CDK5RAP1: variants seen among roughly 807,000 people sequenced by gnomAD.
The protein encoded by CDK5RAP1 is CDK5RAP1 mitochondrial tRNA methylthiotransferase, also known as mitochondrial tRNA methylthiotransferase CDK5RAP1.
Under a neutral mutation model 64.5 loss-of-function variants are expected in CDK5RAP1, and 62 were observed. That is an observed-to-expected ratio of 0.96 (90% CI 0.78 to 1.19). The LOEUF (loss-of-function observed/expected upper bound fraction) is 1.19. Among genes scored for constraint, CDK5RAP1 ranks in the 50% most tolerant of loss-of-function variants. The probability of loss-of-function intolerance (pLI) is 0.00; values close to 1 mark genes in which losing one functional copy is unlikely to be tolerated. For synonymous variants in CDK5RAP1, 250 were observed against 261.9 expected (o/e 0.95, Z 0.44); for missense variants, 657 against 735.0 (o/e 0.89, Z 1.23).
chr20:33,390,583 C>T (rs1224210957), intron 5 of CDK5RAP1, among the ~76,000 whole-genome samples: 1 of 152,036 alleles, frequency 6.6e-6, no homozygotes, highest in African/African-American at 2.4e-5. Context: ...CTTAGTGCCA[C>T]AGAAATATAC....
In CDK5RAP1 at chr20:33,379,460, C is replaced by T. The variant is rs765486461; in HGVS notation, c.1107+1G>A. The T allele has an allele frequency of 6.3e-7, 1 of 1,598,682 alleles. No homozygotes were observed. Among genetic ancestry groups the T allele is most frequent in the Non-Finnish European group, 8.6e-7 (1 of 1,165,954 alleles). The stretch of plus-strand genomic sequence containing the variant: ...TTTGTCACAGCTAACCTGACGCTCA[C>T]CTCATCAGGAAAATCCTTGGGGTGG... On this transcript the variant is annotated splice_donor_variant, in intron 8 of 13. Coordinates refer to ENST00000346416, the MANE Select transcript of CDK5RAP1 (RefSeq NM_016408.4). LOFTEE classifies it high-confidence loss of function.
At chr20:33,361,685 T>TG (rs1227501624) in intron 12 of CDK5RAP1, among the ~76,000 whole-genome samples, 1 of 24,130 alleles carries the variant, frequency 4.1e-5, no homozygotes, top group Non-Finnish European at 7.3e-5. Flanking sequence ...CCAGGCGCAG[T>TG]GGCTCACGCC....
intron 7 of CDK5RAP1, among the ~76,000 whole-genome samples, chr20:33,381,409 G>T (rs954259785): frequency 1.3e-5 from 2 of 151,772 alleles, no homozygotes; most frequent in African/African-American, 4.9e-5. Flanking sequence ...TCCAAATAAT[G>T]TTTTGTTGTT....
intron 3 of CDK5RAP1, 30 bp downstream of exon 3, chr20:33,394,983 G>T: frequency 7.4e-7 from 1 of 1,353,168 alleles, no homozygotes; most frequent in Non-Finnish European, 1.1e-6. Context: ...CCCAGGTCCA[G>T]GAAACAAAGG....
intron 12 of CDK5RAP1, among the ~76,000 whole-genome samples, chr20:33,363,394 A>G (rs192926522): frequency 8.5e-5 from 13 of 152,292 alleles, no homozygotes; most frequent in African/African-American, 3.1e-4. Flanking sequence ...TAATCTAACA[A>G]GGTTAATTTC....
intron 5 of CDK5RAP1, among the ~76,000 whole-genome samples, chr20:33,388,797 G>C (rs570423556): frequency 6.6e-6 from 1 of 152,068 alleles, no homozygotes; most frequent in African/African-American, 2.4e-5. Context: ...ACTGGTTTTC[G>C]TATTTTTTTG....
intron 11 of CDK5RAP1, among the ~76,000 whole-genome samples, chr20:33,369,399 C>T (rs1984609003): frequency 2.0e-5 from 3 of 151,890 alleles, no homozygotes; most frequent in Non-Finnish European, 4.4e-5. Flanking sequence ...AGGAGAATGG[C>T]ATGAACCCGG....
chr20:33,395,248 A>G (rs1988799765), intron 2 of CDK5RAP1, 132 bp from the exon 3 acceptor site: 6 of 615,296 alleles, frequency 9.8e-6, no homozygotes, highest in African/African-American at 1.8e-5. Flanking sequence ...CTATTGCTTC[A>G]ATCTTAAGAT....
chr20:33,374,233 A>G (rs752765745), intron 8 of CDK5RAP1, 21 bp from the exon 9 acceptor site: 2 of 1,482,934 alleles, frequency 1.3e-6, no homozygotes, highest in African/African-American at 2.8e-5. Context: ...AGAACACATT[A>G]TAGGTAATCA....
At chr20:33,377,086 A>T (rs1986098178) in intron 8 of CDK5RAP1, among the ~76,000 whole-genome samples, 2 of 152,214 alleles carry the variant, frequency 1.3e-5, no homozygotes. Context: ...CTGTGATCCC[A>T]GCACTTTGAG....
intron 11 of CDK5RAP1, among the ~76,000 whole-genome samples, chr20:33,369,929 G>A (rs1208117622): frequency 1.3e-5 from 2 of 152,146 alleles, no homozygotes; most frequent in East Asian, 1.9e-4. Flanking sequence ...GGAGTGAACC[G>A]TGCAAATCCA....
chr20:33,363,858 C>T (rs755522734), intron 12 of CDK5RAP1, among the ~76,000 whole-genome samples: 2 of 152,024 alleles, frequency 1.3e-5, no homozygotes, highest in Non-Finnish European at 2.9e-5. Flanking sequence ...ATCATTACAC[C>T]ACCACACTCC....
At chr20:33,375,412 AAAAAAG>A (rs1165411433) in intron 8 of CDK5RAP1, among the ~76,000 whole-genome samples, 2 of 149,162 alleles carry the variant, frequency 1.3e-5, no homozygotes, top group Non-Finnish European at 2.9e-5. Flanking sequence ...AAAAAAAAAA[AAAAAAG>A]AAAAAGAAAA....
chr20:33,379,446 T>C lies in CDK5RAP1; in HGVS notation c.1107+15A>G, dbSNP rs773736452. On this transcript the variant is annotated intron_variant, in intron 8 of 13. Transcript: ENST00000346416. ...AATACTAATATCAGTTTGTCACAGC[T>C]AACCTGACGCTCACCTCATCAGGAA... is the stretch of plus-strand genomic sequence containing the variant. 1 of 1,572,222 alleles carries C rather than the reference T, an allele frequency of 6.4e-7. No individual in the cohort carries two copies. The highest frequency in any genetic ancestry group is 8.8e-7 in the Non-Finnish European group (1 of 1,142,040).
chr20:33,377,171 A>G (rs549344606), intron 8 of CDK5RAP1, among the ~76,000 whole-genome samples: 1 of 152,286 alleles, frequency 6.6e-6, no homozygotes, highest in African/African-American at 2.4e-5. Flanking sequence ...CCCCACCTCT[A>G]ATTTTTTTAA....
At chr20:33,393,293 G>A (rs897546212) in intron 4 of CDK5RAP1, among the ~76,000 whole-genome samples, 1 of 151,926 alleles carries the variant, frequency 6.6e-6, no homozygotes. Flanking sequence ...CTCCCACCTC[G>A]GACTCCAAGA....
rs564662185 is a variant in CDK5RAP1, at chr20:33,393,522, T to A, written c.443+510A>T. 2.1e-4 allele frequency among the ~76,000 whole-genome samples: 32 copies of A among 152,046 alleles called. No individual in the cohort carries two copies. In the South Asian group the frequency reaches 6.6e-3, roughly 32 times the overall value. On this transcript the variant is annotated intron_variant, in intron 4 of 13. Coordinates refer to ENST00000346416, the MANE Select transcript of CDK5RAP1 (RefSeq NM_016408.4). ...GCAGCAGAGGCCTACAGAACAAAAA[T>A]GTCAGATGAATTAATTGACAGTATA...
chr20:33,401,559 G>A, upstream of CDK5RAP1: 4 of 984,308 alleles, frequency 4.1e-6, no homozygotes, highest in Non-Finnish European at 4.8e-6. Flanking sequence ...GCCGGGTCAT[G>A]CTAACGGAAG....
chr20:33,365,107 G>A (rs1235925703), intron 12 of CDK5RAP1, among the ~76,000 whole-genome samples: 2 of 151,610 alleles, frequency 1.3e-5, no homozygotes, highest in Admixed American at 6.6e-5. Flanking sequence ...TGTTGCCTAA[G>A]CTGGTTTTGA....
Sources: allele counts gnomAD v4.1 joint callset (sites outside exome capture counted in the v4.1 genomes callset), GRCh38; gene constraint gnomAD v4.1.1; transcripts MANE v1.5; gene names NCBI Gene and HGNC (gene_info 2026-07-23, HGNC 2026-07-21).